GALNT17: variants seen among roughly 807,000 people sequenced by gnomAD.
The protein encoded by GALNT17 is polypeptide N-acetylgalactosaminyltransferase 17.
Under a neutral mutation model 63.7 loss-of-function variants are expected in GALNT17, and 29 were observed. That is an observed-to-expected ratio of 0.46 (90% CI 0.34 to 0.62). The LOEUF is 0.62. Among genes scored for constraint, GALNT17 ranks in the 20% least tolerant of loss-of-function variants. The pLI is 0.01. For synonymous variants in GALNT17, 305 were observed against 318.3 expected (o/e 0.96, Z 0.45); for missense variants, 603 against 799.6 (o/e 0.75, Z 2.97).
chr7:71,507,513 C>A (rs1788287356), intron 5 of GALNT17, among the ~76,000 whole-genome samples: 1 of 152,198 alleles, frequency 6.6e-6, no homozygotes, highest in Non-Finnish European at 1.5e-5. Flanking sequence ...GCTGGAACAG[C>A]TGCCTGGCAG....
At chr7:71,621,500 TA>T (rs1790289513) in intron 6 of GALNT17, among the ~76,000 whole-genome samples, 1 of 123,730 alleles carries the variant, frequency 8.1e-6, no homozygotes, top group African/African-American at 2.9e-5. Flanking sequence ...GATTGATGGA[TA>T]GATGGATGGA....
chr7:71,579,883 G>C (rs1789604872), intron 6 of GALNT17, among the ~76,000 whole-genome samples: 1 of 152,060 alleles, frequency 6.6e-6, no homozygotes, highest in African/African-American at 2.4e-5. Context: ...GAGAGAGGGA[G>C]AGACAGAGAC....
At chr7:71,616,575 T>C (rs915895308) in intron 6 of GALNT17, among the ~76,000 whole-genome samples, 6 of 146,092 alleles carry the variant, frequency 4.1e-5, no homozygotes, top group African/African-American at 1.5e-4. Flanking sequence ...TATAATCTGA[T>C]ATTCTGGATA....
chr7:71,561,602 T>C (rs1789257163), intron 5 of GALNT17, among the ~76,000 whole-genome samples: 1 of 151,848 alleles, frequency 6.6e-6, no homozygotes, highest in Admixed American at 6.6e-5. Flanking sequence ...AAATAGAAAA[T>C]AGAGTCAGCC....
At chr7:71,408,186 C>G (rs73362084) in intron 3 of GALNT17, among the ~76,000 whole-genome samples, 6,780 of 152,150 alleles carry the variant, frequency 0.045, 542 homozygotes, top group African/African-American at 0.16. Flanking sequence ...GAGAAAGGAG[C>G]CTCGGAACCT....
At chr7:71,356,590 C>T (rs765293745) in intron 2 of GALNT17, among the ~76,000 whole-genome samples, 4 of 152,030 alleles carry the variant, frequency 2.6e-5, no homozygotes, top group East Asian at 1.9e-4. Flanking sequence ...ACAATTAGCT[C>T]GCAGGGAACT....
chr7:71,577,367 A>G (rs963838663), intron 6 of GALNT17, among the ~76,000 whole-genome samples: 20 of 152,314 alleles, frequency 1.3e-4, no homozygotes, highest in African/African-American at 4.8e-4. Flanking sequence ...AACTAAAACA[A>G]AAGTTGAAGT....
At chr7:71,169,741 A>G (rs1306789195) in intron 1 of GALNT17, among the ~76,000 whole-genome samples, 1 of 152,044 alleles carries the variant, frequency 6.6e-6, no homozygotes, top group Non-Finnish European at 1.5e-5. Context: ...TTATTTGTAG[A>G]GACGGGGTTT....
intron 6 of GALNT17, among the ~76,000 whole-genome samples, chr7:71,582,418 C>CA (rs551430762): frequency 0.018 from 2,058 of 116,842 alleles, 20 homozygotes; most frequent in Middle Eastern, 0.04. Flanking sequence ...ATTAAAAATA[C>CA]AAAAAAAAAA....
intron 1 of GALNT17, among the ~76,000 whole-genome samples, chr7:71,268,352 G>A (rs1278032349): frequency 6.6e-6 from 1 of 150,748 alleles, no homozygotes; most frequent in East Asian, 2.0e-4. Context: ...GAACAGCCTG[G>A]GCAACATGGT....
At chr7:71,189,376 T>G (rs1788909438) in intron 1 of GALNT17, among the ~76,000 whole-genome samples, 1 of 152,152 alleles carries the variant, frequency 6.6e-6, no homozygotes, top group Admixed American at 6.6e-5. Flanking sequence ...GAATAATACA[T>G]TGCTTCTTGG....
At chr7:71,407,116 G>T (rs1352711162) in intron 3 of GALNT17, among the ~76,000 whole-genome samples, 3 of 152,128 alleles carry the variant, frequency 2.0e-5, no homozygotes, top group Non-Finnish European at 2.9e-5. Context: ...ATCTGGGAGG[G>T]CCCAGGGTAT....
intron 6 of GALNT17, among the ~76,000 whole-genome samples, chr7:71,589,690 G>A (rs1011408156): frequency 1.3e-5 from 2 of 152,140 alleles, no homozygotes; most frequent in Admixed American, 6.5e-5. Flanking sequence ...ATTTCTGTGC[G>A]TTTTTCATTA....
chr7:71,481,511 G>T (rs925460431), intron 5 of GALNT17, among the ~76,000 whole-genome samples: 1 of 152,192 alleles, frequency 6.6e-6, no homozygotes, highest in African/African-American at 2.4e-5. Context: ...GGGCCTGGCT[G>T]AACTACACTT....
intron 8 of GALNT17, among the ~76,000 whole-genome samples, chr7:71,676,381 T>G (rs1028141651): frequency 2.1e-5 from 3 of 144,842 alleles, no homozygotes; most frequent in South Asian, 2.1e-4. Flanking sequence ...AGCTTTTAGG[T>G]TTTTTTTTTC....
intron 5 of GALNT17, among the ~76,000 whole-genome samples, chr7:71,473,329 C>G (rs1308112084): frequency 6.6e-6 from 1 of 152,140 alleles, no homozygotes. Flanking sequence ...TAGCTAATCC[C>G]TTCTAGACCT....
intron 8 of GALNT17, among the ~76,000 whole-genome samples, chr7:71,674,806 C>T (rs141447057): frequency 0.03 from 4,639 of 152,262 alleles, 208 homozygotes; most frequent in African/African-American, 0.089. Context: ...CGTGAGCCAC[C>T]GCACCCAGCC....
chr7:71,548,638 C>A (rs529448113), intron 5 of GALNT17, among the ~76,000 whole-genome samples: 2 of 152,358 alleles, frequency 1.3e-5, no homozygotes, highest in East Asian at 3.9e-4. Context: ...GCTCCTCCTT[C>A]ACCTTCTGCC....
At chr7:71,180,246 C>G (rs2116311297) in intron 1 of GALNT17, among the ~76,000 whole-genome samples, 1 of 152,172 alleles carries the variant, frequency 6.6e-6, no homozygotes, top group South Asian at 2.1e-4. Flanking sequence ...CTGCCTCAGC[C>G]TCCGTAGTAG....
Sources: allele counts gnomAD v4.1 joint callset (sites outside exome capture counted in the v4.1 genomes callset), GRCh38; gene constraint gnomAD v4.1.1; transcripts MANE v1.5; gene names NCBI Gene and HGNC (gene_info 2026-07-23, HGNC 2026-07-21).